GCNT3: variants seen among roughly 807,000 people sequenced by gnomAD.
The protein encoded by GCNT3 is beta-1,3-galactosyl-O-glycosyl-glycoprotein beta-1,6-N-acetylglucosaminyltransferase 3.
For missense variants in GCNT3, 708 were observed against 530.3 expected (o/e 1.34, Z -3.29); for synonymous variants, 269 against 195.2 (o/e 1.38, Z -3.15).
rs145715984 is a variant in GCNT3, at chr15:59,611,787, C to T, written c.-445C>T. ...ATCCTCTCGCATTACTTCTCTGAGT[C>T]AGAGCCTCTTCTCTCTAAGTCACGG... On this transcript the variant is annotated 5_prime_UTR_variant, in exon 1 of 3. Transcript: ENST00000396065. 1.3e-5 allele frequency: 2 copies of T among 152,308 alleles called. No homozygotes were observed. The highest frequency in any genetic ancestry group is 4.8e-5 in the African/African-American group (2 of 41,556). The allele number at this position is 152,308 out of a possible 1,614,324, so 9.4% of individuals were successfully genotyped here.
intron 2 of GCNT3, 147 bp from the exon 3 acceptor site, chr15:59,618,032 A>T (rs2082727622): frequency 6.8e-6 from 3 of 439,942 alleles, no homozygotes; most frequent in Non-Finnish European, 1.2e-5. Flanking sequence ...ATCTCCATCA[A>T]CAAACCAGAT....
At position 59,620,921 on chromosome 15, in the gene GCNT3, T is replaced by C. The variant is rs375954251; in HGVS notation, c.*1366T>C. 2.8e-5 allele frequency: 4 copies of C among 142,668 alleles called. No individual in the cohort carries two copies. The highest frequency in any genetic ancestry group is 1.0e-4 in the African/African-American group (4 of 38,842). 8.8% of individuals were successfully genotyped at this position (142,668 alleles called of 1,614,324 possible). A position where few individuals can be genotyped will look rare whatever the true frequency, so the allele number is the denominator to read the frequency against. On this transcript the variant is annotated 3_prime_UTR_variant, in exon 3 of 3. Transcript: ENST00000396065. ...TTTTTGGAGACAGGTTCTCACTCTG[T>C]TGCCCAGGCTGGAGTGCAGTGGCAT... is the stretch of plus-strand genomic sequence containing the variant.
At position 59,618,956 on chromosome 15, in the gene GCNT3, G is replaced by T. The variant is rs766247416; in HGVS notation, c.718G>T (p.Val240Phe). 6.2e-7 allele frequency: 1 copy of T among 1,614,078 alleles called. No individual in the cohort carries two copies. Among genetic ancestry groups the T allele is most frequent in the Non-Finnish European group, 8.5e-7 (1 of 1,179,968 alleles). The change falls in exon 3 of 3, where the codon GTC becomes TTC. Residue 240 changes from valine to phenylalanine, a missense_variant. By Grantham distance (50) the Val-to-Phe change is conservative (BLOSUM62 -1). Transcript: ENST00000396065. ...DFPIKSNAEMVQALKMLNGRN... is the reference protein window; with the variant it reads ...DFPIKSNAEMFQALKMLNGRN... The stretch of plus-strand genomic sequence containing the variant: ...TCCTATAAAGAGCAATGCAGAGATG[G>T]TCCAGGCTCTCAAGATGTTGAATGG...
rs1324177748 is a variant in GCNT3, at chr15:59,618,783, G to C, written c.545G>C (p.Cys182Ser). 1 of 1,614,052 alleles carries C rather than the reference G, an allele frequency of 6.2e-7. No individual in the cohort carries two copies. Among genetic ancestry groups the C allele is most frequent in the Non-Finnish European group, 8.5e-7 (1 of 1,180,042 alleles). Residue 182 changes from cysteine (C) to serine (S), a missense_variant, in exon 3 of 3, where the codon TGC becomes TCC. Cys to Ser is a moderately radical substitution (Grantham distance 112). Coordinates refer to ENST00000396065, the MANE Select transcript of GCNT3 (RefSeq NM_004751.3). ...FKEAVKAIISCFPNVFIASKL... is the reference protein window; with the variant it reads ...FKEAVKAIISSFPNVFIASKL... ...GAGGCGGTCAAAGCAATTATTTCTT[G>C]CTTCCCAAATGTCTTCATAGCCAGT...
At chr15:59,617,358 G>T (rs973062791) in intron 2 of GCNT3, among the ~76,000 whole-genome samples, 1 of 151,902 alleles carries the variant, frequency 6.6e-6, no homozygotes, top group Non-Finnish European at 1.5e-5. Context: ...AGAGAGTGGA[G>T]AGGAGTCCTG....
intron 1 of GCNT3, among the ~76,000 whole-genome samples, 160 bp downstream of exon 1, chr15:59,612,141 T>A (rs1193093831): frequency 6.6e-6 from 1 of 152,200 alleles, no homozygotes; most frequent in Non-Finnish European, 1.5e-5. Flanking sequence ...CCCACTGGCT[T>A]CTCTCAGCAC....
chr15:59,619,458 T>G lies in GCNT3; in HGVS notation c.1220T>G (p.Leu407Arg), dbSNP rs2082737123. 6.2e-7 allele frequency: 1 copy of G among 1,614,040 alleles called. No individual in the cohort carries two copies. The highest frequency in any genetic ancestry group is 1.1e-5 in the South Asian group (1 of 91,088). The change falls in exon 3 of 3, where the codon CTG (leucine) becomes CGG (arginine). Residue 407 changes from leucine to arginine, a missense_variant. Coordinates refer to ENST00000396065, the MANE Select transcript of GCNT3 (RefSeq NM_004751.3). Reference sequence around the variant, plus strand: ...AATTGGATGCTTCAAAACCATCACCTGTTGGCCAACAAGTTTGACCCAAAG... The same window carrying G: ...AATTGGATGCTTCAAAACCATCACCGGTTGGCCAACAAGTTTGACCCAAAG... ...DLNWMLQNHHLLANKFDPKVD... is the reference protein window; with the variant it reads ...DLNWMLQNHHRLANKFDPKVD...
At chr15:59,615,835 C>T (rs1427916648) in intron 1 of GCNT3, among the ~76,000 whole-genome samples, 1 of 152,138 alleles carries the variant, frequency 6.6e-6, no homozygotes, top group South Asian at 2.1e-4. Context: ...CTGCATTGAG[C>T]CGTAATCACA....
At chr15:59,613,491 C>T (rs1295541688) in intron 1 of GCNT3, among the ~76,000 whole-genome samples, 1 of 150,220 alleles carries the variant, frequency 6.7e-6, no homozygotes, top group Non-Finnish European at 1.5e-5. Flanking sequence ...GCTTGAGCTC[C>T]TGAGTTCAAG....
At chr15:59,616,287 A>G (rs2082719365) in intron 1 of GCNT3, 1 of 152,318 alleles carries the variant, frequency 6.6e-6, no homozygotes, top group Middle Eastern at 3.4e-3. Flanking sequence ...TTTTTAAAGA[A>G]AAGTAAAATA....
At chr15:59,612,704 G>A (rs1319190009) in intron 1 of GCNT3, among the ~76,000 whole-genome samples, 2 of 152,148 alleles carry the variant, frequency 1.3e-5, no homozygotes, top group African/African-American at 4.8e-5. Flanking sequence ...AGGTGAGGAA[G>A]CTGCTGGCCA....
intron 1 of GCNT3, among the ~76,000 whole-genome samples, chr15:59,613,975 C>T (rs920054285): frequency 1.2e-4 from 19 of 152,196 alleles, no homozygotes; most frequent in African/African-American, 4.3e-4. Context: ...TATGATCTGC[C>T]ACTGCACTCC....
rs779107519 is a variant in GCNT3, at chr15:59,618,462, G to A, written c.224G>A (p.Arg75Gln). 5.6e-5 allele frequency: 91 copies of A among 1,613,616 alleles called. No homozygotes were observed. In the Middle Eastern group the frequency reaches 8.2e-4, roughly 15 times the overall value. The change falls in exon 3 of 3, where the codon CGA becomes CAA. Residue 75 changes from arginine to glutamine, a missense_variant. Transcript: ENST00000396065. ...KRSINCSGVT[R>Q]GDQEAVLQAI... ...TCTATCAACTGTTCAGGGGTCACCC[G>A]AGGGGACCAAGAGGCAGTGCTTCAG...
intron 1 of GCNT3, among the ~76,000 whole-genome samples, chr15:59,614,423 AG>A (rs1323701866): frequency 6.6e-6 from 1 of 151,320 alleles, no homozygotes; most frequent in African/African-American, 2.5e-5. Context: ...AAGAAAGTAA[AG>A]GAATAAGAGA....
rs756078977 is a variant in GCNT3, at chr15:59,619,370, C to T, written c.1132C>T (p.Pro378Ser). The change falls in exon 3 of 3, where the codon CCT becomes TCT. Residue 378 changes from proline (P) to serine (S), a missense_variant. Pro to Ser is a moderately conservative substitution (Grantham distance 74). Transcript: ENST00000396065. ...GHEGDIDKGA[P>S]YAPCSGIHQR... ...TGAGGGAGACATCGATAAGGGTGCTCCTTATGCTCCCTGCTCTGGAATCCA... is the reference window on the plus strand; with the variant it reads ...TGAGGGAGACATCGATAAGGGTGCTTCTTATGCTCCCTGCTCTGGAATCCA... 3.1e-6 allele frequency: 5 copies of T among 1,613,984 alleles called. No homozygotes were observed. The Admixed American group carries it at 6.7e-5, about 22-fold the overall frequency.
At chr15:59,617,610 T>C (rs2082725740) in intron 2 of GCNT3, among the ~76,000 whole-genome samples, 2 of 152,222 alleles carry the variant, frequency 1.3e-5, no homozygotes, top group African/African-American at 4.8e-5. Context: ...TTGGATAATA[T>C]CCAGTTATTT....
chr15:59,612,605 T>A (rs1253031430), intron 1 of GCNT3, among the ~76,000 whole-genome samples: 3 of 152,168 alleles, frequency 2.0e-5, no homozygotes, highest in African/African-American at 7.2e-5. Context: ...TGCCTTGAAA[T>A]GTGCCCGGGA....
At position 59,619,135 on chromosome 15, in the gene GCNT3, T is replaced by A; in HGVS notation, c.897T>A (p.Ile299=). 1 of 1,614,124 alleles carries A rather than the reference T, an allele frequency of 6.2e-7. No individual in the cohort carries two copies. The highest frequency in any genetic ancestry group is 2.2e-5 in the East Asian group (1 of 44,886). ...NLTMFTGNAY[I]VASRDFVQHV... is the part of the protein sequence containing the mutation. ...CTATGTTTACAGGGAATGCGTACAT[T>A]GTGGCTTCCCGAGATTTCGTCCAAC... Residue 299 remains isoleucine (I), a synonymous_variant, in exon 3 of 3, where the codon ATT becomes ATA. Coordinates refer to ENST00000396065, the MANE Select transcript of GCNT3 (RefSeq NM_004751.3).
In GCNT3 at chr15:59,618,595, C is replaced by T. The variant is rs758556052; in HGVS notation, c.357C>T (p.Phe119=). 8.1e-6 allele frequency: 13 copies of T among 1,613,866 alleles called. No individual in the cohort carries two copies. The South Asian group carries it at 1.3e-4, about 16-fold the overall frequency. Reference sequence around the variant, plus strand: ...AGCACTTCAAGGCTGAAAGGAAGTTCATACAGTTCCCACTGAGCAAAGAAG... The same window carrying T: ...AGCACTTCAAGGCTGAAAGGAAGTTTATACAGTTCCCACTGAGCAAAGAAG... ...DCEHFKAERK[F]IQFPLSKEEV... Residue 119 remains phenylalanine, a synonymous_variant, in exon 3 of 3, where the codon TTC becomes TTT. Transcript: ENST00000396065.
Sources: gnomAD v4.1 joint callset for allele counts (sites outside exome capture counted in the v4.1 genomes callset) on GRCh38, gnomAD v4.1.1 for gene constraint, MANE v1.5 for transcripts, NCBI Gene and HGNC (gene_info 2026-07-23, HGNC 2026-07-21) for gene names.